Variants in TUBA1C observed in about 807,000 individuals in gnomAD.
TUBA1C encodes tubulin alpha 1c.
In TUBA1C, 16 loss-of-function variants were observed where a neutral mutation model predicts 34.9. That is an observed-to-expected ratio of 0.46 (90% confidence interval 0.31 to 0.70). The LOEUF (loss-of-function observed/expected upper bound fraction) is 0.70. Among genes scored for constraint, TUBA1C ranks in the 30% least tolerant of loss-of-function variants. TUBA1C has a pLI of 0.05. For missense variants in TUBA1C, 329 were observed against 587.3 expected (o/e 0.56, Z 4.55); for synonymous variants, 177 against 215.9 (o/e 0.82, Z 1.58).
At chr12:49,228,061 C>T (rs2136981134) in exon 1 of TUBA1C, 1 of 1,535,704 alleles carries the variant, frequency 6.5e-7, no homozygotes, top group Non-Finnish European at 8.7e-7. Flanking sequence ...AACTGTACAT[C>T]TCTAACTGGA....
intron 1 of TUBA1C, among the ~76,000 whole-genome samples, chr12:49,259,814 A>G (rs917943089): frequency 1.3e-5 from 2 of 152,210 alleles, no homozygotes; most frequent in Non-Finnish European, 2.9e-5. Flanking sequence ...TATGTACGAA[A>G]AAACATTACT....
In TUBA1C at chr12:49,272,654, G is replaced by T. The variant is rs1195829641; in HGVS notation, c.777G>T (p.Leu259=). Residue 259 remains leucine (L), a synonymous_variant, in exon 4 of 4, where the codon CTG becomes CTT. Coordinates refer to ENST00000301072, the MANE Select transcript of TUBA1C (RefSeq NM_032704.5). ...ACCTGACAGAATTCCAGACCAACCT[G>T]GTGCCCTACCCCCGCATCCACTTCC... ...NVDLTEFQTN[L]VPYPRIHFPL... 6.2e-7 allele frequency: 1 copy of T among 1,610,166 alleles called. No individual in the cohort carries two copies. The highest frequency in any genetic ancestry group is 1.8e-4 in the Middle Eastern group (1 of 5,410).
At chr12:49,263,403 C>A (rs17123645), upstream of TUBA1C, among the ~76,000 whole-genome samples, 1 of 152,072 alleles carries the variant, frequency 6.6e-6, no homozygotes, top group African/African-American at 2.4e-5. Context: ...GTTTTGCTCA[C>A]AAACATATTC....
intron 3 of TUBA1C, among the ~76,000 whole-genome samples, chr12:49,271,752 A>T (rs915695048): frequency 4.6e-5 from 7 of 152,168 alleles, no homozygotes; most frequent in Admixed American, 4.6e-4. Context: ...CCTGCCCCTT[A>T]GGACCTCTCC....
upstream of TUBA1C, among the ~76,000 whole-genome samples, chr12:49,261,479 CT>C (rs1183346411): frequency 6.6e-6 from 1 of 152,174 alleles, no homozygotes; most frequent in African/African-American, 2.4e-5. Flanking sequence ...TGACTCCTAT[CT>C]CTTGTGGTTT....
At chr12:49,239,749 A>G (rs948569812) in intron 1 of TUBA1C, among the ~76,000 whole-genome samples, 1 of 152,042 alleles carries the variant, frequency 6.6e-6, no homozygotes, top group African/African-American at 2.4e-5. Context: ...GTGTGAGCCC[A>G]GGAGTTGGGA....
chr12:49,273,293 AT>A lies in TUBA1C; in HGVS notation c.*68del. The A allele has an allele frequency of 6.2e-7, 1 of 1,611,882 alleles. No homozygotes were observed. The highest frequency in any genetic ancestry group is 8.5e-7 in the Non-Finnish European group (1 of 1,178,400). ...TCTTATTTTTGTTCTGTAAATGTCT[AT>A]TGCCGTAAATTGTTAATAAAATTGA... On this transcript the variant is annotated 3_prime_UTR_variant, in exon 4 of 4. Transcript: ENST00000301072.
chr12:49,256,327 G>A (rs1031906057), intron 1 of TUBA1C: 6 of 416,156 alleles, frequency 1.4e-5, no homozygotes, highest in Non-Finnish European at 3.0e-5. Flanking sequence ...TAAAGAGAAA[G>A]AACAGCGTGA....
intron 1 of TUBA1C, among the ~76,000 whole-genome samples, chr12:49,254,492 A>C (rs951389312): frequency 1.1e-4 from 16 of 143,924 alleles, no homozygotes; most frequent in African/African-American, 3.5e-4. Flanking sequence ...AACAAAAAAA[A>C]AAAAAAAAAA....
At chr12:49,244,880 C>G (rs1942651704) in intron 1 of TUBA1C, among the ~76,000 whole-genome samples, 1 of 152,060 alleles carries the variant, frequency 6.6e-6, no homozygotes, top group Admixed American at 6.6e-5. Context: ...AGCATCCTCC[C>G]AGATGCTTGC....
Position 49,265,984 on chromosome 12 carries a change from G to C in TUBA1C, c.3+800G>C, listed in dbSNP as rs1406252416. On this transcript the variant is annotated intron_variant, in intron 1 of 3. Transcript: ENST00000301072. The stretch of plus-strand genomic sequence containing the variant: ...AAAAAAAAAAAAAACAAAAAAAAAC[G>C]CTGGGCGTGGTGGCGCGCGCCGGTA... 9.8e-4 allele frequency among the ~76,000 whole-genome samples: 105 copies of C among 106,914 alleles called. 2 individuals carry two copies. The highest frequency in any genetic ancestry group is 9.5e-4 in the Non-Finnish European group (53 of 55,928). The allele number at this position is 106,914 out of a possible 152,430, so 70.1% of individuals were successfully genotyped here.
intron 1 of TUBA1C, among the ~76,000 whole-genome samples, chr12:49,245,074 A>G (rs1592276136): frequency 1.3e-5 from 2 of 152,210 alleles, no homozygotes; most frequent in Admixed American, 1.3e-4. Flanking sequence ...GTGCCTGGGA[A>G]GTAAATGATA....
At chr12:49,259,988 C>T (rs997174326) in intron 1 of TUBA1C, among the ~76,000 whole-genome samples, 1 of 152,112 alleles carries the variant, frequency 6.6e-6, no homozygotes, top group Non-Finnish European at 1.5e-5. Flanking sequence ...GAAAGAAAAC[C>T]TTCAGGGGCC....
intron 1 of TUBA1C, among the ~76,000 whole-genome samples, chr12:49,248,758 C>G (rs186542242): frequency 2.3e-4 from 34 of 150,202 alleles, no homozygotes; most frequent in African/African-American, 7.3e-4. Context: ...GTCCCAGCTA[C>G]TCGGGAGGCT....
At chr12:49,265,221 C>T (rs1209378810) in intron 1 of TUBA1C, 37 bp downstream of exon 1, 7 of 1,567,392 alleles carry the variant, frequency 4.5e-6, no homozygotes, top group Non-Finnish European at 6.1e-6. Flanking sequence ...GAAGAGTGCG[C>T]GTCCCAGGGG....
intron 1 of TUBA1C, among the ~76,000 whole-genome samples, chr12:49,259,834 T>C (rs1942824851): frequency 6.6e-6 from 1 of 152,212 alleles, no homozygotes; most frequent in Non-Finnish European, 1.5e-5. Context: ...TTAGTGTACT[T>C]GATAATGGCT....
intron 1 of TUBA1C, among the ~76,000 whole-genome samples, chr12:49,268,689 A>G (rs1446967165): frequency 1.2e-4 from 18 of 152,194 alleles, no homozygotes; most frequent in Admixed American, 1.1e-3. Context: ...GCCTCTGACC[A>G]CAGTTTTTAA....
chr12:49,266,111 CAG>C (rs1247986064), intron 1 of TUBA1C, among the ~76,000 whole-genome samples: 2 of 150,214 alleles, frequency 1.3e-5, no homozygotes, highest in Admixed American at 6.6e-5. Context: ...GTCTGGACGA[CAG>C]AGCGAAACTG....
intron 1 of TUBA1C, among the ~76,000 whole-genome samples, chr12:49,248,350 A>C (rs1942695453): frequency 1.3e-5 from 2 of 152,028 alleles, no homozygotes; most frequent in South Asian, 4.1e-4. Flanking sequence ...CTGGTGGATC[A>C]CCTGAGGTCA....
Sources: allele counts gnomAD v4.1 joint callset (sites outside exome capture counted in the v4.1 genomes callset), GRCh38; gene constraint gnomAD v4.1.1; transcripts MANE v1.5; gene names NCBI Gene and HGNC (gene_info 2026-07-23, HGNC 2026-07-21).